Variants in FAM120C observed in about 807,000 individuals in gnomAD.
The protein encoded by FAM120C is constitutive coactivator of PPAR-gamma-like protein 2.
A neutral mutation model predicts 71.2 loss-of-function variants in FAM120C; 14 were observed. The observed-to-expected ratio is 0.20, with a 90% CI of 0.13 to 0.31. The LOEUF is 0.31. Ranked by LOEUF, FAM120C falls within the 10% of genes least tolerant of loss-of-function variation. The pLI, the probability that FAM120C is intolerant of heterozygous loss-of-function variation, is 1.00. For missense variants in FAM120C, 500 were observed against 879.0 expected, an observed-to-expected ratio of 0.57 and a Z score of 5.45; for synonymous variants, 354 against 353.2, an observed-to-expected ratio of 1.00 and a Z score of -0.03.
rs376156050 is a variant in FAM120C, at chrX:54,099,147, T to G, written c.2313-7721A>C. Among the ~76,000 whole-genome samples, 23 of 108,499 alleles carry G rather than the reference T, an allele frequency of 2.1e-4. 1 individual carries two copies. The South Asian group carries it at 5.3e-3, about 25-fold the overall frequency. The allele number at this position is 108,499 out of a possible 115,157, so 94.2% of individuals were successfully genotyped here. On this transcript the variant is annotated intron_variant, in intron 10 of 15. Coordinates refer to ENST00000375180, the MANE Select transcript of FAM120C (RefSeq NM_017848.6). ...CTCCCCCGACAGCCTCTGGAGTAGT[T>G]GGGACCACAGGTGCACAGCTACGCC... is the stretch of plus-strand genomic sequence containing the variant.
intron 4 of FAM120C, among the ~76,000 whole-genome samples, chrX:54,150,268 T>C (rs1395658403): frequency 3.6e-5 from 4 of 112,067 alleles, no homozygotes; most frequent in African/African-American, 1.3e-4. Flanking sequence ...CATTAGCATA[T>C]AGCTCATCTA....
At chrX:54,104,363 A>AT (rs1194140163) in intron 10 of FAM120C, among the ~76,000 whole-genome samples, 3 of 112,254 alleles carry the variant, frequency 2.7e-5, no homozygotes, top group African/African-American at 9.7e-5. Flanking sequence ...CAGTTAGGCT[A>AT]TAACTTCAAT....
chrX:54,158,497 G>C (rs1272298932), intron 2 of FAM120C, among the ~76,000 whole-genome samples: 1 of 112,165 alleles, frequency 8.9e-6, no homozygotes. Context: ...GGCCAGGCAC[G>C]GTGTCTCACG....
chrX:54,103,843 T>C (rs1022733741), intron 10 of FAM120C, among the ~76,000 whole-genome samples: 4 of 111,268 alleles, frequency 3.6e-5, no homozygotes, highest in Non-Finnish European at 1.9e-5. Flanking sequence ...GCTAATCTTG[T>C]TCATTTGCCT....
intron 1 of FAM120C, among the ~76,000 whole-genome samples, chrX:54,165,099 T>C (rs1280168191): frequency 1.8e-5 from 2 of 112,113 alleles, no homozygotes; most frequent in Non-Finnish European, 3.8e-5. Context: ...CACCCATAAA[T>C]ACTTCATTAT....
In FAM120C at chrX:54,182,767, G is replaced by A. The variant is rs1557137602; in HGVS notation, c.432C>T (p.Asn144=). The A allele has an allele frequency of 2.5e-6, 3 of 1,207,978 alleles. No individual in the cohort carries two copies. In the African/African-American group the frequency reaches 5.2e-5, roughly 21 times the overall value. Residue 144 remains asparagine, a synonymous_variant, in exon 1 of 16, where the codon AAC becomes AAT. Coordinates refer to ENST00000375180, the MANE Select transcript of FAM120C (RefSeq NM_017848.6). ...QTDWVCGGQW[N]AMLGYLSALC... ...GCGCTGACAAGTAGCCCAGCATGGC[G>A]TTCCATTGGCCGCCACACACCCAAT...
intron 4 of FAM120C, 40 bp from the exon 5 acceptor site, chrX:54,136,630 G>C: frequency 1.1e-6 from 1 of 921,461 alleles, no homozygotes; most frequent in Non-Finnish European, 1.6e-6. Context: ...GAAAAAACAT[G>C]AGAGTGTTTT....
At chrX:54,137,744 A>G (rs935429471) in intron 4 of FAM120C, among the ~76,000 whole-genome samples, 2 of 112,002 alleles carry the variant, frequency 1.8e-5, no homozygotes, top group Non-Finnish European at 3.8e-5. Context: ...TAAAACCACA[A>G]TATGACACCA....
At chrX:54,175,163 G>C (rs2067310107) in intron 1 of FAM120C, among the ~76,000 whole-genome samples, 1 of 111,493 alleles carries the variant, frequency 9.0e-6, no homozygotes. Flanking sequence ...TATCTTGTTT[G>C]TTATTTTCTC....
chrX:54,093,679 G>A (rs2066835010), intron 10 of FAM120C, among the ~76,000 whole-genome samples: 1 of 111,369 alleles, frequency 9.0e-6, no homozygotes, highest in African/African-American at 3.3e-5. Flanking sequence ...CAGAATGTAG[G>A]GTCTAATGAG....
chrX:54,151,269 C>T lies in FAM120C; in HGVS notation c.1134G>A (p.Gly378=). ...IKDPSNLDVV[G]KDVFKQSQSR... is the part of the protein sequence containing the mutation. ...CCTGAGACTGTTTGAAAACATCCTT[C>T]CCAACTACATCCAGGTTTGAGGGAT... The change falls in exon 4 of 16, where the codon GGG becomes GGA. Residue 378 remains glycine (G), a synonymous_variant. Transcript: ENST00000375180. 8.3e-7 allele frequency: 1 copy of T among 1,210,938 alleles called. No individual in the cohort carries two copies. Among genetic ancestry groups the T allele is most frequent in the Non-Finnish European group, 1.1e-6 (1 of 895,226 alleles).
chrX:54,116,030 A>C (rs1557126574), intron 10 of FAM120C, among the ~76,000 whole-genome samples: 1 of 111,613 alleles, frequency 9.0e-6, no homozygotes, highest in Non-Finnish European at 1.9e-5. Context: ...GCAGTGAACC[A>C]AGATTACGCC....
chrX:54,133,054 T>G (rs2067076103), intron 8 of FAM120C, among the ~76,000 whole-genome samples, 191 bp from the exon 9 acceptor site: 1 of 112,732 alleles, frequency 8.9e-6, no homozygotes, highest in African/African-American at 3.2e-5. Context: ...CTATATTTCA[T>G]TTTTAAAGTC....
chrX:54,112,856 A>T (rs1179410040), intron 10 of FAM120C, among the ~76,000 whole-genome samples: 1 of 94,750 alleles, frequency 1.1e-5, no homozygotes, highest in African/African-American at 3.9e-5. Context: ...AAAAAAAAAA[A>T]TACAAAATAC....
chrX:54,118,701 T>C (rs1326151136), intron 9 of FAM120C, among the ~76,000 whole-genome samples: 1 of 53,854 alleles, frequency 1.9e-5, no homozygotes, highest in African/African-American at 1.2e-4. Context: ...CTTTTTTTCT[T>C]TTTTTTTTTT....
chrX:54,095,864 C>G (rs1354815316), intron 10 of FAM120C, among the ~76,000 whole-genome samples: 3 of 109,440 alleles, frequency 2.7e-5, no homozygotes, highest in African/African-American at 1.0e-4. Context: ...CCATGTTGGT[C>G]AGACTGGTCT....
At chrX:54,182,403 G>A (rs781784043) in intron 1 of FAM120C, 97 bp downstream of exon 1, 32 of 1,002,328 alleles carry the variant, frequency 3.2e-5, no homozygotes, top group Non-Finnish European at 4.1e-5. Context: ...TGGGTAGATG[G>A]GAGGTAGGGT....
In FAM120C at chrX:54,182,995, C is replaced by G. The variant is rs1557137803; in HGVS notation, c.204G>C (p.Pro68=). ...RGSVPLQPPL[P]PAALGAYSGG... Reference sequence around the variant, plus strand: ...CGGAGTAGGCACCCAAGGCAGCGGGCGGAAGCGGCGGTTGCAGAGGCACGG... The same window carrying G: ...CGGAGTAGGCACCCAAGGCAGCGGGGGGAAGCGGCGGTTGCAGAGGCACGG... Residue 68 remains proline, a synonymous_variant, in exon 1 of 16, where the codon CCG becomes CCC. Transcript: ENST00000375180. 1 of 1,158,676 alleles carries G rather than the reference C, an allele frequency of 8.6e-7. No homozygotes were observed. Among genetic ancestry groups the G allele is most frequent in the Non-Finnish European group, 1.1e-6 (1 of 870,974 alleles).
Position 54,135,683 on chromosome X carries a change from C to T in FAM120C, c.1259-79G>A, listed in dbSNP as rs1247172650. On this transcript the variant is annotated intron_variant, in intron 5 of 15. Coordinates refer to ENST00000375180, the MANE Select transcript of FAM120C (RefSeq NM_017848.6). ...TTATATTCTGCTCACCCCATATCAC[C>T]TGAAAAAGTGTTATTAATAAATAAG... 6.6e-6 allele frequency: 5 copies of T among 760,065 alleles called. No homozygotes were observed. The Admixed American group carries it at 1.5e-4, about 23-fold the overall frequency. 62.6% of individuals were successfully genotyped at this position (760,065 alleles called of 1,213,427 possible).
Sources: allele counts gnomAD v4.1 joint callset (sites outside exome capture counted in the v4.1 genomes callset), GRCh38; gene constraint gnomAD v4.1.1; transcripts MANE v1.5; gene names NCBI Gene and HGNC (gene_info 2026-07-23, HGNC 2026-07-21).